The following GLO1 variants were observed in gnomAD, a reference collection of about 807,000 sequenced individuals.
GLO1 encodes the protein lactoylglutathione lyase.
Under a neutral mutation model 26.0 loss-of-function variants are expected in GLO1, and 28 were observed. That is an observed-to-expected ratio of 1.08 (90% CI 0.80 to 1.48). GLO1 has a LOEUF of 1.48. Among genes scored for constraint, GLO1 ranks in the 40% most tolerant of loss-of-function variants. The pLI is 0.00. For synonymous variants in GLO1, 78 were observed against 77.6 expected (o/e 1.00, Z -0.03); for missense variants, 225 against 224.8 (o/e 1.00, Z -0.01).
rs1761657837 is a variant in GLO1 at position 38,699,265 on chromosome 6, CT to C, written c.84+3705del. ...GACATTTATCAGTTCCCAAATAATA[CT>C]TTTATAATTTCTTATGCCTGTCTTT... On this transcript the variant is annotated intron_variant, in intron 1 of 5. Coordinates refer to ENST00000373365, the MANE Select transcript of GLO1 (RefSeq NM_006708.3). 2.0e-5 allele frequency among the ~76,000 whole-genome samples: 3 copies of C among 152,286 alleles called. No homozygotes were observed. The South Asian group carries it at 6.2e-4, about 32-fold the overall frequency.
At chr6:38,696,906 C>A (rs908716438) in intron 1 of GLO1, among the ~76,000 whole-genome samples, 3 of 151,372 alleles carry the variant, frequency 2.0e-5, no homozygotes, top group Non-Finnish European at 4.4e-5. Flanking sequence ...TTGCCCCCAA[C>A]AGAAAGCCTT....
chr6:38,687,284 A>G (rs1176250613), intron 1 of GLO1, among the ~76,000 whole-genome samples: 2 of 152,044 alleles, frequency 1.3e-5, no homozygotes, highest in African/African-American at 4.8e-5. Context: ...GCAGGATTGA[A>G]CCTCAGTTGC....
intron 1 of GLO1, among the ~76,000 whole-genome samples, chr6:38,698,853 C>T (rs1044398814): frequency 2.0e-5 from 3 of 152,022 alleles, no homozygotes; most frequent in African/African-American, 7.2e-5. Context: ...TCTTTACAAA[C>T]GAGACCCTCA....
intron 1 of GLO1, among the ~76,000 whole-genome samples, chr6:38,699,667 G>A (rs913274076): frequency 1.3e-5 from 2 of 152,132 alleles, no homozygotes; most frequent in African/African-American, 4.8e-5. Flanking sequence ...TCTGTCTTAT[G>A]AGGTTGAGAT....
In GLO1 at chr6:38,682,851, C is replaced by T. The variant is rs749648363; in HGVS notation, c.333G>A (p.Glu111=). ...AATTGCCATTGTGGTAACTCTGGGT[C>T]TCATCATCTTCAGTGCCCCAATTGC... ...LTHNWGTEDD[E]TQSYHNGNSD... is the part of the protein sequence containing the mutation. The change falls in exon 4 of 6, where the codon GAG becomes GAA. Residue 111 remains glutamate, a synonymous_variant. Coordinates refer to ENST00000373365, the MANE Select transcript of GLO1 (RefSeq NM_006708.3). 4 of 1,604,140 alleles carry T rather than the reference C, an allele frequency of 2.5e-6. No individual in the cohort carries two copies. In the South Asian group the frequency reaches 3.3e-5, roughly 13 times the overall value.
At chr6:38,681,891 G>T in intron 5 of GLO1, 121 bp downstream of exon 5, 1 of 644,252 alleles carries the variant, frequency 1.6e-6, no homozygotes. Context: ...TTAAAACTCT[G>T]GTTGAAGTGG....
At position 38,682,017 on chromosome 6, in the gene GLO1, T is replaced by C. The variant is rs771635847; in HGVS notation, c.461A>G (p.Asp154Gly). The change falls in exon 5 of 6, where the codon GAT becomes GGT. Residue 154 changes from aspartate to glycine, a missense_variant. Physicochemically the swap from Asp to Gly is moderately conservative, Grantham distance 94. Transcript: ENST00000373365. The stretch of plus-strand genomic sequence containing the variant: ...ACAGTAAGTAGTAGACTCACCATCA[T>C]CAGGTTTCTTCACAAATTTGACTCC... ...ELGVKFVKKP[D>G]DGKMKGLAFI... The C allele has an allele frequency of 1.3e-6, 2 of 1,484,426 alleles. No homozygotes were observed. The highest frequency in any genetic ancestry group is 3.4e-4 in the Middle Eastern group (2 of 5,800). The allele number at this position is 1,484,426 out of a possible 1,614,324, so 92.0% of individuals were successfully genotyped here.
intron 1 of GLO1, 62 bp downstream of exon 1, chr6:38,702,909 A>G: frequency 4.2e-6 from 4 of 946,718 alleles, no homozygotes; most frequent in Non-Finnish European, 6.7e-6. Context: ...GGTTGGATAG[A>G]ATGCGGCCCG....
intron 4 of GLO1, among the ~76,000 whole-genome samples, chr6:38,682,397 T>C (rs970740094): frequency 4.6e-5 from 7 of 152,236 alleles, no homozygotes; most frequent in African/African-American, 1.7e-4. Context: ...AGTAATCATT[T>C]ACTAATACTT....
chr6:38,686,239 T>C (rs950567353), intron 2 of GLO1, among the ~76,000 whole-genome samples: 5 of 152,244 alleles, frequency 3.3e-5, no homozygotes, highest in African/African-American at 1.2e-4. Flanking sequence ...TAAATTTTTC[T>C]CTCAATGTGA....
At chr6:38,693,931 C>T (rs538057904) in intron 1 of GLO1, among the ~76,000 whole-genome samples, 92 of 152,048 alleles carry the variant, frequency 6.1e-4, no homozygotes, top group African/African-American at 1.9e-3. Context: ...AGGATGGTCT[C>T]GATCTCCTGA....
chr6:38,686,984 A>C lies in GLO1; in HGVS notation c.85-10T>G, dbSNP rs760253626. Reference sequence around the variant, plus strand: ...GCTGCAATAGAAAATCCTATGGAAAAATATTTATATTAAACATCTTTCACT... The same window carrying C: ...GCTGCAATAGAAAATCCTATGGAAACATATTTATATTAAACATCTTTCACT... On this transcript the variant is annotated splice_polypyrimidine_tract_variant and intron_variant, in intron 1 of 5. Transcript: ENST00000373365. 6.3e-7 allele frequency: 1 copy of C among 1,579,364 alleles called. No individual in the cohort carries two copies. The highest frequency in any genetic ancestry group is 8.7e-7 in the Non-Finnish European group (1 of 1,153,718).
chr6:38,679,277 C>T (rs1038832141), intron 5 of GLO1, among the ~76,000 whole-genome samples: 1 of 151,946 alleles, frequency 6.6e-6, no homozygotes, highest in African/African-American at 2.4e-5. Flanking sequence ...CAGGCATGTG[C>T]CACCATGCCC....
At chr6:38,681,943 G>GT (rs1761386584) in intron 5 of GLO1, 69 bp downstream of exon 5, 2 of 810,324 alleles carry the variant, frequency 2.5e-6, no homozygotes, top group Non-Finnish European at 4.5e-6. Flanking sequence ...TACTACAACA[G>GT]TGGCCTCTGT....
At chr6:38,681,412 T>G (rs1054752801) in intron 5 of GLO1, among the ~76,000 whole-genome samples, 2 of 152,176 alleles carry the variant, frequency 1.3e-5, no homozygotes, top group African/African-American at 4.8e-5. Context: ...AATTAAACAG[T>G]GAAATATTTC....
rs749964753 is a variant in GLO1 at position 38,686,875 on chromosome 6, A to G, written c.167+17T>C. On this transcript the variant is annotated intron_variant, in intron 2 of 5. Coordinates refer to ENST00000373365, the MANE Select transcript of GLO1 (RefSeq NM_006708.3). ...TATATATTTAAACATTAAGGTGCCAATAAGTACTTGACTTACGTCATTCCA... is the reference window on the plus strand; with the variant it reads ...TATATATTTAAACATTAAGGTGCCAGTAAGTACTTGACTTACGTCATTCCA... 4.5e-6 allele frequency: 6 copies of G among 1,339,218 alleles called. No homozygotes were observed. Among genetic ancestry groups the G allele is most frequent in the Admixed American group, 1.7e-5 (1 of 57,316 alleles). The allele number at this position is 1,339,218 out of a possible 1,614,324, so 83.0% of individuals were successfully genotyped here. A position where few individuals can be genotyped will look rare whatever the true frequency, so the allele number is the denominator to read the frequency against.
chr6:38,681,865 C>A, intron 5 of GLO1, 147 bp downstream of exon 5: 1 of 593,008 alleles, frequency 1.7e-6, no homozygotes. Flanking sequence ...GATATTCTTC[C>A]AATCATTTCT....
At chr6:38,685,562 C>T (rs897609489) in intron 2 of GLO1, among the ~76,000 whole-genome samples, 1 of 152,176 alleles carries the variant, frequency 6.6e-6, no homozygotes. Context: ...TCTTTTATTT[C>T]ATTATCACTG....
At chr6:38,685,235 G>A (rs138112177) in intron 2 of GLO1, among the ~76,000 whole-genome samples, 65 of 152,260 alleles carry the variant, frequency 4.3e-4, no homozygotes, top group African/African-American at 1.5e-3. Context: ...GGAGGTAGGC[G>A]AAGGAGCAGA....
Sources: gnomAD v4.1 joint callset for allele counts (sites outside exome capture counted in the v4.1 genomes callset) on GRCh38, gnomAD v4.1.1 for gene constraint, MANE v1.5 for transcripts, NCBI Gene and HGNC (gene_info 2026-07-23, HGNC 2026-07-21) for gene names.